The following SAMD3 variants were observed in gnomAD, a reference collection of about 807,000 sequenced individuals.
SAMD3 encodes sterile alpha motif domain containing 3.
A neutral mutation model predicts 58.5 loss-of-function variants in SAMD3; 63 were observed. The ratio of observed to expected loss-of-function variants is 1.08; its 90% CI spans 0.88 to 1.33. The LOEUF (loss-of-function observed/expected upper bound fraction) is 1.33. Among genes scored for constraint, SAMD3 ranks in the 40% most tolerant of loss-of-function variants. The probability of loss-of-function intolerance (pLI) is 0.00; values close to 1 mark genes in which losing one functional copy is unlikely to be tolerated. For missense variants in SAMD3, 604 were observed against 608.4 expected (o/e 0.99, Z 0.08); for synonymous variants, 220 against 210.3 (o/e 1.05, Z -0.40).
intron 2 of SAMD3, among the ~76,000 whole-genome samples, chr6:130,279,354 T>A (rs549253767): frequency 1.3e-5 from 2 of 152,154 alleles, no homozygotes; most frequent in African/African-American, 4.8e-5. Flanking sequence ...GGTCTGATCG[T>A]TTTATAAGCA....
At chr6:130,219,361 T>TG (rs1376676555) in intron 1 of SAMD3, among the ~76,000 whole-genome samples, 1 of 152,138 alleles carries the variant, frequency 6.6e-6, no homozygotes, top group Admixed American at 6.5e-5. Flanking sequence ...CATAGGTTAT[T>TG]GGGGAACAAG....
At chr6:130,186,817 C>T (rs745647272) in intron 5 of SAMD3, among the ~76,000 whole-genome samples, 11 of 137,112 alleles carry the variant, frequency 8.0e-5, no homozygotes, top group South Asian at 2.3e-4. Flanking sequence ...GTCACCCAGG[C>T]TGGAGTGCAG....
chr6:130,321,218 T>C (rs1485514175), intron 1 of SAMD3, among the ~76,000 whole-genome samples: 1 of 152,234 alleles, frequency 6.6e-6, no homozygotes, highest in Non-Finnish European at 1.5e-5. Flanking sequence ...ATTCTATCTT[T>C]CTTAGAACTC....
At chr6:130,365,745 T>C, upstream of SAMD3, 1 of 985,022 alleles carries the variant, frequency 1.0e-6, no homozygotes, top group Non-Finnish European at 1.2e-6. Context: ...CAAAGATGGG[T>C]TTTGTCTGCG....
At chr6:130,304,131 C>T (rs1304088556) in intron 2 of SAMD3, among the ~76,000 whole-genome samples, 2 of 152,060 alleles carry the variant, frequency 1.3e-5, no homozygotes, top group African/African-American at 4.8e-5. Context: ...ACATATCCAG[C>T]TTTTTTCTTA....
At chr6:130,318,188 G>A (rs1455517985) in intron 1 of SAMD3, among the ~76,000 whole-genome samples, 19 of 152,040 alleles carry the variant, frequency 1.2e-4, no homozygotes, top group Admixed American at 1.2e-3. Context: ...AATTCAGTGG[G>A]CATTTGAGTA....
chr6:130,308,496 T>C lies in SAMD3; in HGVS notation c.-188+4482A>G, dbSNP rs949772114. Reference sequence around the variant, plus strand: ...GAGAAAGCTCATCTGTAGGCCAACCTAGAAGGTTGGGCCATCCTGGAAATA... The same window carrying C: ...GAGAAAGCTCATCTGTAGGCCAACCCAGAAGGTTGGGCCATCCTGGAAATA... On this transcript the variant is annotated intron_variant, in intron 2 of 13. Coordinates refer to the SAMD3 transcript ENST00000368134. 2.0e-5 allele frequency among the ~76,000 whole-genome samples: 3 copies of C among 151,648 alleles called. No individual in the cohort carries two copies. The East Asian group carries it at 5.8e-4, about 29-fold the overall frequency.
At chr6:130,240,075 A>T (rs1235262771) in intron 2 of SAMD3, among the ~76,000 whole-genome samples, 1 of 152,254 alleles carries the variant, frequency 6.6e-6, no homozygotes, top group Non-Finnish European at 1.5e-5. Flanking sequence ...CTGGAATGCA[A>T]ACCCATGCTG....
intron 2 of SAMD3, among the ~76,000 whole-genome samples, chr6:130,229,511 G>A (rs188962717): frequency 1.3e-5 from 2 of 152,260 alleles, no homozygotes; most frequent in Admixed American, 6.5e-5. Context: ...CATGTCTTGT[G>A]CTCCTGAGCT....
intron 2 of SAMD3, among the ~76,000 whole-genome samples, chr6:130,261,937 G>A (rs575637951): frequency 6.6e-6 from 1 of 151,906 alleles, no homozygotes; most frequent in African/African-American, 2.4e-5. Flanking sequence ...AAGCCAGGCA[G>A]AGAGAGACAG....
At chr6:130,217,867 A>T in intron 1 of SAMD3, among the ~76,000 whole-genome samples, 1 of 152,176 alleles carries the variant, frequency 6.6e-6, no homozygotes, top group East Asian at 1.9e-4. Context: ...CTGGATCAAT[A>T]CCTCATTCTG....
chr6:130,226,549 G>A (rs147530442), upstream of SAMD3, among the ~76,000 whole-genome samples: 157 of 152,316 alleles, frequency 1.0e-3, 1 homozygote, highest in South Asian at 9.7e-3. Flanking sequence ...ATGAGGGGCC[G>A]GGCACCATGG....
At chr6:130,215,852 T>C (rs778936035) in intron 2 of SAMD3, 1 of 1,534,652 alleles carries the variant, frequency 6.5e-7, no homozygotes, top group South Asian at 1.2e-5. Context: ...TCTCATTGTT[T>C]TCCGTTAGCA....
chr6:130,168,804 CTTT>C (rs1384060645), intron 8 of SAMD3, among the ~76,000 whole-genome samples: 2 of 152,030 alleles, frequency 1.3e-5, no homozygotes, highest in Admixed American at 1.3e-4. Flanking sequence ...AAATCTTTTT[CTTT>C]TTCTTTTTTT....
chr6:130,207,910 T>A (rs1482936994), intron 5 of SAMD3, among the ~76,000 whole-genome samples: 1 of 152,124 alleles, frequency 6.6e-6, no homozygotes, highest in African/African-American at 2.4e-5. Context: ...GAGCTCCTCA[T>A]CAAAGGGGCT....
At chr6:130,271,957 C>T (rs1279357929) in intron 2 of SAMD3, among the ~76,000 whole-genome samples, 1 of 152,196 alleles carries the variant, frequency 6.6e-6, no homozygotes, top group Non-Finnish European at 1.5e-5. Context: ...CACTGGGTCC[C>T]TCCCATGACA....
chr6:130,336,977 A>G (rs1777119671), intron 1 of SAMD3, among the ~76,000 whole-genome samples: 1 of 152,234 alleles, frequency 6.6e-6, no homozygotes, highest in Non-Finnish European at 1.5e-5. Flanking sequence ...CGCCACCAGC[A>G]AAGATTGTAA....
At chr6:130,332,548 G>A (rs767102277) in intron 1 of SAMD3, among the ~76,000 whole-genome samples, 9 of 152,154 alleles carry the variant, frequency 5.9e-5, no homozygotes, top group Non-Finnish European at 1.0e-4. Flanking sequence ...GAGCACTCAA[G>A]TATATTGAAT....
intron 2 of SAMD3, among the ~76,000 whole-genome samples, chr6:130,297,689 C>A (rs974866947): frequency 1.3e-5 from 2 of 151,826 alleles, no homozygotes; most frequent in Admixed American, 1.3e-4. Flanking sequence ...AAGAAAAAAC[C>A]AAATAGAACT....
Sources: gnomAD v4.1 joint callset for allele counts (sites outside exome capture counted in the v4.1 genomes callset) on GRCh38, gnomAD v4.1.1 for gene constraint, MANE v1.5 for transcripts, NCBI Gene and HGNC (gene_info 2026-07-23, HGNC 2026-07-21) for gene names.